Variants in UST observed in about 807,000 individuals in gnomAD.
The protein encoded by UST is chondroitin sulfate 2-O-sulfotransferase.
UST carries 21 observed loss-of-function variants against 45.6 expected under a neutral mutation model. The observed-to-expected ratio is 0.46, with a 90% CI of 0.33 to 0.66. The LOEUF (loss-of-function observed/expected upper bound fraction) is 0.66. Ranked by LOEUF, UST falls within the 30% of genes least tolerant of loss-of-function variation. The pLI, the probability that UST is intolerant of heterozygous loss-of-function variation, is 0.02. For missense variants in UST, 463 were observed against 512.4 expected (o/e 0.90, Z 0.93); for synonymous variants, 215 against 200.6 (o/e 1.07, Z -0.61).
At chr6:148,864,566 C>T (rs531809251) in intron 1 of UST, among the ~76,000 whole-genome samples, 22 of 152,326 alleles carry the variant, frequency 1.4e-4, no homozygotes, top group Admixed American at 5.2e-4. Context: ...AGAAATCACC[C>T]GTCTCTGTAT....
chr6:148,816,487 G>T (rs1281413322), intron 1 of UST, among the ~76,000 whole-genome samples: 1 of 152,148 alleles, frequency 6.6e-6, no homozygotes, highest in Non-Finnish European at 1.5e-5. Context: ...CCCCTGATGA[G>T]GGCATTTCTA....
At chr6:148,967,047 G>GT (rs978265227) in intron 5 of UST, among the ~76,000 whole-genome samples, 1 of 152,132 alleles carries the variant, frequency 6.6e-6, no homozygotes, top group Non-Finnish European at 1.5e-5. Flanking sequence ...CTGGTTTGGA[G>GT]TTTTTTTAAA....
Position 148,792,323 on chromosome 6 carries a change from G to A in UST, c.247+44646G>A, listed in dbSNP as rs73783205. ...ACTTGACCAAAAAGCAAGAGGCTGC[G>A]CGTCATTCAGAGCTGACCCCGGGCT... On this transcript the variant is annotated intron_variant, in intron 1 of 7. Coordinates refer to ENST00000367463, the MANE Select transcript of UST (RefSeq NM_005715.3). Among the ~76,000 whole-genome samples, 694 of 152,266 alleles carry A rather than the reference G, an allele frequency of 4.6e-3. 7 individuals are homozygous for A. The highest frequency in any genetic ancestry group is 0.016 in the African/African-American group (665 of 41,546).
At chr6:148,916,332 A>G (rs1039777627) in intron 2 of UST, among the ~76,000 whole-genome samples, 2 of 152,204 alleles carry the variant, frequency 1.3e-5, no homozygotes, top group African/African-American at 4.8e-5. Context: ...ACTATGCTGT[A>G]TTGTAATAGA....
chr6:149,031,011 AG>A lies in UST; in HGVS notation c.937+9531del, dbSNP rs201313265. The stretch of plus-strand genomic sequence containing the variant: ...ATCACAAGGTCAGGAGTTCGAGACC[AG>A]CCTGGCCAACATGGTGAAACCCCAT... On this transcript the variant is annotated intron_variant, in intron 7 of 7. Transcript: ENST00000367463. Among the ~76,000 whole-genome samples the A allele has an allele frequency of 7.6e-3, 1,156 of 152,272 alleles. 14 individuals are homozygous for A. The highest frequency in any genetic ancestry group is 0.026 in the African/African-American group (1,097 of 41,536).
At chr6:148,866,066 G>A (rs572496343) in intron 1 of UST, among the ~76,000 whole-genome samples, 1 of 151,418 alleles carries the variant, frequency 6.6e-6, no homozygotes, top group Non-Finnish European at 1.5e-5. Context: ...TACATATTGG[G>A]GAAAGAAAGA....
intron 1 of UST, among the ~76,000 whole-genome samples, chr6:148,863,501 C>A (rs1265432544): frequency 5.3e-5 from 8 of 152,244 alleles, no homozygotes; most frequent in African/African-American, 1.9e-4. Flanking sequence ...CTTCTTCTCT[C>A]AACTCGCCAA....
intron 4 of UST, among the ~76,000 whole-genome samples, chr6:148,955,152 A>G (rs1191192068): frequency 6.6e-6 from 1 of 152,184 alleles, no homozygotes; most frequent in Non-Finnish European, 1.5e-5. Flanking sequence ...TCCACACGAG[A>G]GCACCAAAGG....
At chr6:148,919,177 AC>A (rs1779650540) in intron 2 of UST, among the ~76,000 whole-genome samples, 1 of 152,046 alleles carries the variant, frequency 6.6e-6, no homozygotes, top group Admixed American at 6.6e-5. Context: ...TCCTCCAGAT[AC>A]CTCTACCATG....
At chr6:148,958,760 G>A (rs937923259) in intron 4 of UST, among the ~76,000 whole-genome samples, 2 of 151,938 alleles carry the variant, frequency 1.3e-5, no homozygotes, top group Non-Finnish European at 2.9e-5. Flanking sequence ...TGTATTTTTT[G>A]GGGGGCGTAT....
intron 2 of UST, among the ~76,000 whole-genome samples, chr6:148,900,423 T>G (rs756076817): frequency 1.3e-5 from 2 of 152,212 alleles, no homozygotes; most frequent in Non-Finnish European, 2.9e-5. Flanking sequence ...AGGTCTTTCC[T>G]TTGCTATTCT....
At chr6:148,841,465 G>T (rs2114773161) in intron 1 of UST, among the ~76,000 whole-genome samples, 1 of 152,006 alleles carries the variant, frequency 6.6e-6, no homozygotes, top group South Asian at 2.1e-4. Flanking sequence ...AGATTGGTTT[G>T]TTTCCTGTTC....
At chr6:148,801,709 C>T (rs1233458306) in intron 1 of UST, among the ~76,000 whole-genome samples, 2 of 152,132 alleles carry the variant, frequency 1.3e-5, no homozygotes, top group Non-Finnish European at 2.9e-5. Flanking sequence ...AGCATCAGCA[C>T]GTGCTTAGCA....
At chr6:148,847,620 G>A (rs1778016723) in intron 1 of UST, among the ~76,000 whole-genome samples, 1 of 152,192 alleles carries the variant, frequency 6.6e-6, no homozygotes, top group South Asian at 2.1e-4. Flanking sequence ...GGAGAACTGG[G>A]AGGTTCTCTT....
chr6:148,862,669 G>A (rs139318328), intron 1 of UST, among the ~76,000 whole-genome samples: 14,277 of 152,130 alleles, frequency 0.094, 842 homozygotes, highest in African/African-American at 0.16. Context: ...GGCTTCCTTC[G>A]GGAGCTCTTT....
At chr6:148,917,243 A>T (rs1779608369) in intron 2 of UST, among the ~76,000 whole-genome samples, 1 of 151,468 alleles carries the variant, frequency 6.6e-6, no homozygotes, top group South Asian at 2.1e-4. Flanking sequence ...CCTCTCTCTC[A>T]TCCACCAACT....
intron 1 of UST, among the ~76,000 whole-genome samples, chr6:148,831,214 C>G (rs1281264367): frequency 6.6e-6 from 1 of 152,156 alleles, no homozygotes; most frequent in Non-Finnish European, 1.5e-5. Flanking sequence ...TTCGCAGCCA[C>G]ATACCAGCAT....
chr6:148,943,828 G>A (rs530270946), intron 3 of UST, among the ~76,000 whole-genome samples: 11 of 152,088 alleles, frequency 7.2e-5, no homozygotes, highest in African/African-American at 1.9e-4. Context: ...TTTTAAAAAC[G>A]CATGGCAAAG....
intron 5 of UST, among the ~76,000 whole-genome samples, chr6:148,972,671 C>A (rs372635000): frequency 6.6e-6 from 1 of 152,354 alleles, no homozygotes; most frequent in African/African-American, 2.4e-5. Flanking sequence ...CTGTGAGCCC[C>A]GCCCCTCGCT....
Sources: allele counts gnomAD v4.1 joint callset (sites outside exome capture counted in the v4.1 genomes callset), GRCh38; gene constraint gnomAD v4.1.1; transcripts MANE v1.5; gene names NCBI Gene and HGNC (gene_info 2026-07-23, HGNC 2026-07-21).